PLPP4: variants seen among roughly 807,000 people sequenced by gnomAD.
PLPP4 encodes the protein diacylglycerol pyrophosphate like 2.
Under a neutral mutation model 32.2 loss-of-function variants are expected in PLPP4, and 20 were observed. The observed-to-expected ratio is 0.62, with a 90% CI of 0.44 to 0.90. PLPP4 has a LOEUF of 0.90. Ranked by LOEUF, PLPP4 falls within the 40% of genes least tolerant of loss-of-function variation. The pLI, the probability that PLPP4 is intolerant of heterozygous loss-of-function variation, is 0.00. For missense variants in PLPP4, 257 were observed against 353.1 expected (o/e 0.73, Z 2.18); for synonymous variants, 127 against 133.0 (o/e 0.95, Z 0.31).
intron 2 of PLPP4, among the ~76,000 whole-genome samples, chr10:120,511,311 C>T (rs1391989662): frequency 1.3e-5 from 2 of 152,166 alleles, no homozygotes; most frequent in South Asian, 2.1e-4. Flanking sequence ...GAGCGCCTCC[C>T]ACCTGGCACC....
At chr10:120,561,165 T>G (rs1283732757) in intron 5 of PLPP4, among the ~76,000 whole-genome samples, 2 of 152,234 alleles carry the variant, frequency 1.3e-5, no homozygotes, top group African/African-American at 4.8e-5. Flanking sequence ...ATGAACCAAG[T>G]TCTCAATGTT....
At position 120,514,075 on chromosome 10, in the gene PLPP4, G is replaced by GTT. The variant is rs1845838735; in HGVS notation, c.256+75_256+76dup. On this transcript the variant is annotated intron_variant, in intron 3 of 6. Coordinates refer to ENST00000398250, the MANE Select transcript of PLPP4 (RefSeq NM_001030059.3). ...AGATGATCACATTTAAGAAATCTCA[G>GTT]TTACACCCAACTGATTTTTTTCTTT... 52 of 1,111,114 alleles carry GTT rather than the reference G, an allele frequency of 4.7e-5. No individual in the cohort carries two copies. In the Admixed American group the frequency reaches 8.8e-4, roughly 19 times the overall value. 68.8% of individuals were successfully genotyped at this position (1,111,114 alleles called of 1,614,324 possible).
At chr10:120,479,022 C>T (rs7077756) in intron 1 of PLPP4, among the ~76,000 whole-genome samples, 97,126 of 151,970 alleles carry the variant, frequency 0.64, 31,715 homozygotes, top group East Asian at 0.83. Flanking sequence ...GTCAGGAGAT[C>T]GAGACCATCC....
chr10:120,489,725 T>A (rs1224039498), intron 1 of PLPP4, among the ~76,000 whole-genome samples: 1 of 152,108 alleles, frequency 6.6e-6, no homozygotes, highest in African/African-American at 2.4e-5. Context: ...TTTAAAATAT[T>A]GGCCATGAGT....
intron 1 of PLPP4, among the ~76,000 whole-genome samples, chr10:120,486,883 G>C (rs1844483227): frequency 6.6e-6 from 1 of 152,164 alleles, no homozygotes; most frequent in Non-Finnish European, 1.5e-5. Flanking sequence ...CTTAAGGTCA[G>C]CCCACCCGGG....
chr10:120,561,772 T>C (rs1287129215), intron 5 of PLPP4, among the ~76,000 whole-genome samples: 2 of 152,184 alleles, frequency 1.3e-5, no homozygotes, highest in African/African-American at 2.4e-5. Context: ...GAATCACTTG[T>C]CAACTTGTAA....
chr10:120,521,689 C>G (rs1846163646), intron 5 of PLPP4, among the ~76,000 whole-genome samples: 1 of 152,180 alleles, frequency 6.6e-6, no homozygotes, highest in Non-Finnish European at 1.5e-5. Context: ...CAGGTATTAG[C>G]TCTGTGACTT....
rs754113039 is a variant in PLPP4, at chr10:120,590,461, T to A, written c.*959T>A. Among the ~76,000 whole-genome samples, 4 of 152,144 alleles carry A rather than the reference T, an allele frequency of 2.6e-5. No individual in the cohort carries two copies. Among genetic ancestry groups the A allele is most frequent in the Non-Finnish European group, 5.9e-5 (4 of 68,026 alleles). On this transcript the variant is annotated 3_prime_UTR_variant, in exon 7 of 7. Coordinates refer to ENST00000398250, the MANE Select transcript of PLPP4 (RefSeq NM_001030059.3). ...AGCTCTGCTCTAAGGATTCTCCAAG[T>A]GGTGGTGTGTTCCTGTTCCTATCTA...
At chr10:120,521,200 C>G in intron 5 of PLPP4, 105 bp downstream of exon 5, 1 of 1,376,584 alleles carries the variant, frequency 7.3e-7, no homozygotes, top group Non-Finnish European at 9.9e-7. Context: ...GAATGTTAAG[C>G]GCAGTTCATT....
At chr10:120,512,290 A>G (rs915280228) in intron 2 of PLPP4, among the ~76,000 whole-genome samples, 4 of 152,158 alleles carry the variant, frequency 2.6e-5, no homozygotes, top group Admixed American at 6.5e-5. Flanking sequence ...TCTCTGTAGC[A>G]GTTCTGAATC....
chr10:120,548,741 T>C (rs1847749511), intron 5 of PLPP4, among the ~76,000 whole-genome samples: 1 of 152,114 alleles, frequency 6.6e-6, no homozygotes, highest in Non-Finnish European at 1.5e-5. Flanking sequence ...ACATCTGTTA[T>C]TTTTTTACTT....
intron 2 of PLPP4, among the ~76,000 whole-genome samples, chr10:120,507,304 G>A (rs1589786465): frequency 6.6e-6 from 1 of 152,226 alleles, no homozygotes; most frequent in East Asian, 1.9e-4. Flanking sequence ...AATCTGAAAA[G>A]GGCCAGAGGA....
At chr10:120,586,468 T>C (rs1320205150) in intron 6 of PLPP4, among the ~76,000 whole-genome samples, 1 of 152,118 alleles carries the variant, frequency 6.6e-6, no homozygotes, top group Non-Finnish European at 1.5e-5. Flanking sequence ...ATAATCTCAA[T>C]GTGTGGCCTC....
At chr10:120,472,609 A>T in intron 1 of PLPP4, among the ~76,000 whole-genome samples, 1 of 151,766 alleles carries the variant, frequency 6.6e-6, no homozygotes, top group Non-Finnish European at 1.5e-5. Flanking sequence ...ATTATTGGAG[A>T]TATGGTTTGT....
chr10:120,562,664 C>T (rs867164023), intron 5 of PLPP4, among the ~76,000 whole-genome samples: 1 of 152,104 alleles, frequency 6.6e-6, no homozygotes, highest in Non-Finnish European at 1.5e-5. Flanking sequence ...TGTGTTAATG[C>T]GGTCATTTAT....
chr10:120,473,921 A>C (rs1843776872), intron 1 of PLPP4, among the ~76,000 whole-genome samples: 1 of 152,194 alleles, frequency 6.6e-6, no homozygotes, highest in Admixed American at 6.5e-5. Flanking sequence ...TAAATTACCC[A>C]GTCTTAGGTA....
intron 5 of PLPP4, among the ~76,000 whole-genome samples, chr10:120,542,751 C>T (rs1179448965): frequency 5.3e-5 from 8 of 152,194 alleles, no homozygotes; most frequent in Non-Finnish European, 1.2e-4. Flanking sequence ...CTTTTTCATG[C>T]AGTAACAATC....
intron 1 of PLPP4, among the ~76,000 whole-genome samples, chr10:120,483,644 A>G (rs905765186): frequency 1.3e-5 from 2 of 152,212 alleles, no homozygotes; most frequent in Non-Finnish European, 2.9e-5. Context: ...TTGGAGGCAG[A>G]GCCTAATGGA....
At chr10:120,555,177 ATACT>A (rs2133996299) in intron 5 of PLPP4, among the ~76,000 whole-genome samples, 1 of 152,164 alleles carries the variant, frequency 6.6e-6, no homozygotes, top group African/African-American at 2.4e-5. Context: ...ACATAGCAAA[ATACT>A]TACTTTTACC....
Sources: allele counts gnomAD v4.1 joint callset (sites outside exome capture counted in the v4.1 genomes callset), GRCh38; gene constraint gnomAD v4.1.1; transcripts MANE v1.5; gene names NCBI Gene and HGNC (gene_info 2026-07-23, HGNC 2026-07-21).